The following CDH13 variants were observed in gnomAD, a reference collection of about 807,000 sequenced individuals.
CDH13 encodes cadherin-13.
A neutral mutation model predicts 63.8 loss-of-function variants in CDH13; 24 were observed. The observed-to-expected ratio is 0.38, with a 90% CI of 0.27 to 0.53. The LOEUF is 0.53. Among genes scored for constraint, CDH13 ranks in the 20% least tolerant of loss-of-function variants. The probability of loss-of-function intolerance (pLI) is 0.85; values close to 1 mark genes in which losing one functional copy is unlikely to be tolerated. For missense variants in CDH13, 1,049 were observed against 903.1 expected (o/e 1.16, Z -2.07); for synonymous variants, 503 against 355.3 (o/e 1.42, Z -4.67).
chr16:82,669,812 G>A (rs1348480072), intron 1 of CDH13, among the ~76,000 whole-genome samples: 1 of 152,214 alleles, frequency 6.6e-6, no homozygotes, highest in Non-Finnish European at 1.5e-5. Context: ...TGGTAGGCTT[G>A]TGAAGACAAA....
chr16:83,566,195 G>A (rs1029170009), intron 7 of CDH13, among the ~76,000 whole-genome samples: 7 of 152,070 alleles, frequency 4.6e-5, no homozygotes, highest in African/African-American at 1.7e-4. Flanking sequence ...ATTGGATAAT[G>A]GCAGCCCAGT....
At chr16:82,994,410 G>A (rs555765242) in intron 2 of CDH13, among the ~76,000 whole-genome samples, 2 of 152,068 alleles carry the variant, frequency 1.3e-5, no homozygotes, top group Non-Finnish European at 2.9e-5. Flanking sequence ...CTACCTTTAG[G>A]GAGGGGCAGG....
intron 5 of CDH13, among the ~76,000 whole-genome samples, chr16:83,304,016 A>C (rs1019346185): frequency 2.0e-5 from 3 of 152,186 alleles, no homozygotes; most frequent in African/African-American, 7.2e-5. Context: ...AGGTAGACAG[A>C]GAAACATCCC....
intron 6 of CDH13, among the ~76,000 whole-genome samples, chr16:83,441,261 C>G (rs1461404177): frequency 6.6e-6 from 1 of 152,102 alleles, no homozygotes; most frequent in Non-Finnish European, 1.5e-5. Flanking sequence ...GAGTACCACT[C>G]TGGTAATGAA....
chr16:82,920,462 A>G (rs187796689), intron 2 of CDH13, among the ~76,000 whole-genome samples: 1 of 152,312 alleles, frequency 6.6e-6, no homozygotes, highest in African/African-American at 2.4e-5. Context: ...AACAAAGACA[A>G]CATACACTGG....
chr16:83,464,248 C>T (rs1225586966), intron 6 of CDH13, among the ~76,000 whole-genome samples: 1 of 152,012 alleles, frequency 6.6e-6, no homozygotes, highest in East Asian at 2.0e-4. Context: ...CATGGTGGCT[C>T]ACGCCTGTAA....
Position 83,347,228 on chromosome 16 carries a change from C to G in CDH13, c.781+2222C>G, listed in dbSNP as rs368678012. On this transcript the variant is annotated intron_variant, in intron 6 of 13. Transcript: ENST00000567109. ...AAATCGTTTACAAGTAATAACAAAC[C>G]CTAACTGGCTATAAAAATGATCGTC... 4.6e-4 allele frequency among the ~76,000 whole-genome samples: 70 copies of G among 152,118 alleles called. 2 individuals carry two copies. Among genetic ancestry groups the G allele is most frequent in the African/African-American group, 1.6e-3 (65 of 41,506 alleles).
At chr16:82,796,260 A>G (rs576330967) in intron 1 of CDH13, among the ~76,000 whole-genome samples, 5 of 152,160 alleles carry the variant, frequency 3.3e-5, no homozygotes, top group Non-Finnish European at 5.9e-5. Flanking sequence ...ACTGACCCCT[A>G]TGGATGTATG....
chr16:83,059,793 G>GTTTTTTTTTT (rs66521965), intron 3 of CDH13, among the ~76,000 whole-genome samples: 2 of 113,106 alleles, frequency 1.8e-5, no homozygotes, highest in African/African-American at 3.2e-5. Context: ...TTTTTTGTTT[G>GTTTTTTTTTT]TTTTTTTTTT....
intron 6 of CDH13, among the ~76,000 whole-genome samples, chr16:83,446,775 T>G (rs569628799): frequency 1.2e-4 from 18 of 152,286 alleles, no homozygotes; most frequent in African/African-American, 4.3e-4. Context: ...CCTGGGCAAC[T>G]GGAATGAATT....
chr16:83,718,503 C>G (rs1229190343), intron 10 of CDH13, among the ~76,000 whole-genome samples: 1 of 152,146 alleles, frequency 6.6e-6, no homozygotes, highest in Non-Finnish European at 1.5e-5. Flanking sequence ...TTTAACCAAG[C>G]AGTGGAATGT....
chr16:83,425,409 C>G (rs1170665476), intron 6 of CDH13, among the ~76,000 whole-genome samples: 1 of 152,250 alleles, frequency 6.6e-6, no homozygotes, highest in Non-Finnish European at 1.5e-5. Flanking sequence ...GAACCAGCCA[C>G]TTACCTGCTG....
chr16:82,998,935 A>C (rs1007513492), intron 2 of CDH13, among the ~76,000 whole-genome samples: 10 of 149,636 alleles, frequency 6.7e-5, no homozygotes, highest in Non-Finnish European at 1.2e-4. Context: ...TTGTTAAAGA[A>C]GCTTTCATTC....
intron 5 of CDH13, among the ~76,000 whole-genome samples, chr16:83,316,016 G>C (rs557417644): frequency 3.9e-5 from 6 of 152,274 alleles, no homozygotes; most frequent in African/African-American, 1.4e-4. Flanking sequence ...AGTTCTGCAG[G>C]GCTTAGGAGG....
chr16:83,597,001 T>C (rs1184646316), intron 7 of CDH13, among the ~76,000 whole-genome samples: 2 of 152,110 alleles, frequency 1.3e-5, no homozygotes, highest in Non-Finnish European at 2.9e-5. Context: ...GGTGGGAGGA[T>C]CACTTGAGCC....
At chr16:83,191,279 G>C (rs535916578) in intron 4 of CDH13, among the ~76,000 whole-genome samples, 25 of 146,116 alleles carry the variant, frequency 1.7e-4, no homozygotes, top group African/African-American at 6.1e-4. Context: ...AGTGTTAATA[G>C]TTTGTCTAGG....
intron 5 of CDH13, among the ~76,000 whole-genome samples, chr16:83,244,887 C>T (rs1174885714): frequency 6.6e-6 from 1 of 152,120 alleles, no homozygotes; most frequent in African/African-American, 2.4e-5. Context: ...CATAGGCACC[C>T]TTTGCCTGAT....
At chr16:83,132,771 C>T (rs1055565412) in intron 4 of CDH13, among the ~76,000 whole-genome samples, 10 of 152,132 alleles carry the variant, frequency 6.6e-5, no homozygotes. Flanking sequence ...ATAACTGAAA[C>T]TTACCATAGG....
At chr16:83,089,637 C>A (rs973100425) in intron 3 of CDH13, among the ~76,000 whole-genome samples, 1 of 152,208 alleles carries the variant, frequency 6.6e-6, no homozygotes, top group Non-Finnish European at 1.5e-5. Context: ...CTTTAGGGAG[C>A]ACTCTTGGTT....
Sources: allele counts gnomAD v4.1 joint callset (sites outside exome capture counted in the v4.1 genomes callset), GRCh38; gene constraint gnomAD v4.1.1; transcripts MANE v1.5; gene names NCBI Gene and HGNC (gene_info 2026-07-23, HGNC 2026-07-21).